The following SYNE2 variants were observed in gnomAD, a reference collection of about 807,000 sequenced individuals.
The protein encoded by SYNE2 is spectrin repeat containing nuclear envelope protein 2.
Under a neutral mutation model 856.3 loss-of-function variants are expected in SYNE2, and 431 were observed. The observed-to-expected ratio is 0.50, with a 90% confidence interval of 0.47 to 0.55. SYNE2 has a LOEUF of 0.55. Among genes scored for constraint, SYNE2 ranks in the 20% least tolerant of loss-of-function variants. The pLI is 0.00. For missense variants in SYNE2, 8,129 were observed against 8,023.2 expected (o/e 1.01, Z -0.50); for synonymous variants, 2,923 against 2,872.3 (o/e 1.02, Z -0.56).
chr14:64,129,988 T>G, intron 75 of SYNE2, 60 bp from the exon 76 acceptor site: 2 of 1,613,420 alleles, frequency 1.2e-6, no homozygotes, highest in Non-Finnish European at 8.5e-7. Flanking sequence ...TAGATTTGTC[T>G]TTCAGTTATT....
At chr14:64,021,586 T>TA in intron 36 of SYNE2, 71 bp downstream of exon 36, 2 of 1,556,876 alleles carry the variant, frequency 1.3e-6, no homozygotes, top group South Asian at 2.3e-5. Flanking sequence ...CTTGAGCTCT[T>TA]AGAGTTAATA....
chr14:64,038,651 G>GTT (rs1221045002), intron 45 of SYNE2, among the ~76,000 whole-genome samples: 5 of 152,228 alleles, frequency 3.3e-5, no homozygotes, highest in African/African-American at 1.2e-4. Context: ...GACCAGCCCG[G>GTT]CCAACACAGC....
Position 63,964,561 on chromosome 14 carries a change from G to A in SYNE2, c.990+561G>A, listed in dbSNP as rs116889991. 4.4e-3 allele frequency among the ~76,000 whole-genome samples: 667 copies of A among 151,502 alleles called. 6 individuals are homozygous for A. The highest frequency in any genetic ancestry group is 9.9e-3 in the South Asian group (47 of 4,770). ...TTTTTCGAGACGGAGTTTTGCTCTC[G>A]TTGCCTAGTCTGGAGTGCAATGGTG... is the stretch of plus-strand genomic sequence containing the variant. On this transcript the variant is annotated intron_variant, in intron 10 of 115. Coordinates refer to ENST00000555002, the MANE Select transcript of SYNE2 (RefSeq NM_182914.3).
intron 1 of SYNE2, among the ~76,000 whole-genome samples, chr14:63,815,129 T>C (rs1408055289): frequency 2.2e-4 from 23 of 105,938 alleles, no homozygotes; most frequent in Non-Finnish European, 3.6e-4. Flanking sequence ...TATATCCACA[T>C]ATATATCCAT....
chr14:64,040,710 TAGG>T (rs1320586145), intron 45 of SYNE2, among the ~76,000 whole-genome samples: 1 of 147,924 alleles, frequency 6.8e-6, no homozygotes, highest in Non-Finnish European at 1.5e-5. Flanking sequence ...TGGCAGAAAA[TAGG>T]AGGGAGTTTT....
chr14:63,831,549 CTTTTTT>C (rs1211983068), intron 1 of SYNE2, among the ~76,000 whole-genome samples: 2 of 69,548 alleles, frequency 2.9e-5, no homozygotes, highest in Non-Finnish European at 5.1e-5. Flanking sequence ...AATGTTCATT[CTTTTTT>C]TTTTTTTTTT....
chr14:64,140,592 T>A (rs2098131444), intron 80 of SYNE2, among the ~76,000 whole-genome samples: 1 of 152,120 alleles, frequency 6.6e-6, no homozygotes, highest in Non-Finnish European at 1.5e-5. Context: ...TCAAAAAACT[T>A]GCACTGACAT....
chr14:64,132,376 G>A lies in SYNE2; in HGVS notation c.14452G>A (p.Glu4818Lys). Residue 4818 changes from glutamate to lysine, a missense_variant, in exon 77 of 116, where the codon GAA becomes AAA. Glu to Lys is a moderately conservative substitution (Grantham distance 56). Around this residue, in one of 3 missense-constraint regions of SYNE2, gnomAD observed 5,410 missense variants for 5,284.8 expected, o/e 1.02. Coordinates refer to ENST00000555002, the MANE Select transcript of SYNE2 (RefSeq NM_182914.3). The part of the protein sequence containing the change: ...RETFWAEQVT[E>K]VKILEEKSRQ... Reference sequence around the variant, plus strand: ...GACATTTTGGGCAGAACAAGTAACAGAAGTTAAAATACTAGAAGAAAAGTC... The same window carrying A: ...GACATTTTGGGCAGAACAAGTAACAAAAGTTAAAATACTAGAAGAAAAGTC... 4 of 1,614,114 alleles carry A rather than the reference G, an allele frequency of 2.5e-6. No homozygotes were observed. Among genetic ancestry groups the A allele is most frequent in the Non-Finnish European group, 3.4e-6 (4 of 1,180,000 alleles).
intron 59 of SYNE2, 39 bp downstream of exon 59, chr14:64,089,735 AC>A: frequency 2.1e-6 from 3 of 1,455,102 alleles, no homozygotes; most frequent in Non-Finnish European, 2.9e-6. Flanking sequence ...TTCTTATGAT[AC>A]TTATTATGTC....
chr14:63,785,021 T>C (rs1595107535), intron 1 of SYNE2, among the ~76,000 whole-genome samples: 1 of 152,156 alleles, frequency 6.6e-6, no homozygotes, highest in South Asian at 2.1e-4. Flanking sequence ...AAGTTTGAAG[T>C]GGTGATCCTC....
At chr14:63,817,443 G>A (rs918115770) in intron 1 of SYNE2, among the ~76,000 whole-genome samples, 1 of 151,920 alleles carries the variant, frequency 6.6e-6, no homozygotes, top group African/African-American at 2.4e-5. Flanking sequence ...CTCCAGCCTG[G>A]GTGACAGAGC....
intron 108 of SYNE2, among the ~76,000 whole-genome samples, chr14:64,217,354 T>A (rs2140308050): frequency 6.6e-6 from 1 of 152,364 alleles, no homozygotes; most frequent in East Asian, 1.9e-4. Flanking sequence ...TACATTTCCC[T>A]CAGCTGCCTT....
chr14:64,039,985 A>G (rs753967027), intron 45 of SYNE2, among the ~76,000 whole-genome samples: 3 of 152,226 alleles, frequency 2.0e-5, no homozygotes, highest in Non-Finnish European at 2.9e-5. Flanking sequence ...GAGGTCTTGC[A>G]TGAGAAACCT....
At chr14:64,219,622 T>C (rs889012268) in intron 110 of SYNE2, among the ~76,000 whole-genome samples, 3 of 152,220 alleles carry the variant, frequency 2.0e-5, no homozygotes, top group Non-Finnish European at 4.4e-5. Flanking sequence ...CAAATGATCC[T>C]GATCCCAGAG....
intron 1 of SYNE2, among the ~76,000 whole-genome samples, chr14:63,821,544 AG>A (rs1301082197): frequency 1.3e-5 from 2 of 151,830 alleles, no homozygotes; most frequent in African/African-American, 4.8e-5. Context: ...ACTTGAGGTT[AG>A]GAGTTCGAGA....
intron 64 of SYNE2, among the ~76,000 whole-genome samples, chr14:64,106,800 C>G (rs915660203): frequency 2.0e-5 from 3 of 152,042 alleles, no homozygotes; most frequent in Non-Finnish European, 4.4e-5. Context: ...CTTCCCCACA[C>G]CTAGAATTTT....
At position 64,126,483 on chromosome 14, in the gene SYNE2, G is replaced by A; in HGVS notation, c.13707+4G>A. The A allele has an allele frequency of 6.2e-7, 1 of 1,614,154 alleles. No homozygotes were observed. Among genetic ancestry groups the A allele is most frequent in the Non-Finnish European group, 8.5e-7 (1 of 1,180,006 alleles). ...TGGCCAGCAGGTGCACTACGAGGTAGGGCACTTCTCACGAGCCCATGTGTT... is the reference window on the plus strand; with the variant it reads ...TGGCCAGCAGGTGCACTACGAGGTAAGGCACTTCTCACGAGCCCATGTGTT... On this transcript the variant is annotated splice_donor_region_variant and intron_variant, in intron 72 of 115. Coordinates refer to ENST00000555002, the MANE Select transcript of SYNE2 (RefSeq NM_182914.3).
Position 64,020,084 on chromosome 14 carries a change from T to C in SYNE2, c.5142T>C (p.Leu1714=), listed in dbSNP as rs1179244193. 4 of 1,610,088 alleles carry C rather than the reference T, an allele frequency of 2.5e-6. No homozygotes were observed. The African/African-American group carries it at 5.3e-5, about 22-fold the overall frequency. Reference sequence around the variant, plus strand: ...TGCTCCAAAGCAGTGAAATACCTCTTGAATTGCAGGTAAGAATTTTTATTT... The same window carrying C: ...TGCTCCAAAGCAGTGAAATACCTCTCGAATTGCAGGTAAGAATTTTTATTT... The part of the protein sequence containing the change: ...QFLLQSSEIP[L]ELQVMESSIL... Residue 1714 remains leucine (L), a synonymous_variant, in exon 35 of 116, where the codon CTT becomes CTC. Coordinates refer to ENST00000555002, the MANE Select transcript of SYNE2 (RefSeq NM_182914.3).
Position 64,163,507 on chromosome 14 carries a change from C to T in SYNE2, c.16405C>T (p.Pro5469Ser). Residue 5469 changes from proline to serine, a missense_variant, in exon 89 of 116, where the codon CCG becomes TCG. Physicochemically the swap from Pro to Ser is moderately conservative, Grantham distance 74. Around this residue, in one of 3 missense-constraint regions of SYNE2, gnomAD observed 5,410 missense variants for 5,284.8 expected, o/e 1.02. Coordinates refer to ENST00000555002, the MANE Select transcript of SYNE2 (RefSeq NM_182914.3). ...AGAGTCCAGCACCCACATGCTCCTC[C>T]CGGGCCCCCTGCACTCTCTCCAGAG... ...PAESSTHMLLPGPLHSLQRAA... is the reference protein window; with the variant it reads ...PAESSTHMLLSGPLHSLQRAA... The T allele has an allele frequency of 6.2e-7, 1 of 1,614,182 alleles. No individual in the cohort carries two copies. The highest frequency in any genetic ancestry group is 1.1e-5 in the South Asian group (1 of 91,080).
Sources: gnomAD v4.1 joint callset for allele counts (sites outside exome capture counted in the v4.1 genomes callset) on GRCh38, gnomAD v4.1.1 for gene constraint, gnomAD v4.1.1 regional missense constraint, MANE v1.5 for transcripts, NCBI Gene and HGNC (gene_info 2026-07-23, HGNC 2026-07-21) for gene names.